Variants in SOX6 observed in about 807,000 individuals in gnomAD.
The protein encoded by SOX6 is transcription factor SOX-6.
A neutral mutation model predicts 97.8 loss-of-function variants in SOX6; 11 were observed. That is an observed-to-expected ratio of 0.11 (90% CI 0.07 to 0.19). The LOEUF is 0.19. Ranked by LOEUF, SOX6 falls within the 10% of genes least tolerant of loss-of-function variation. The pLI is 1.00. For missense variants in SOX6, 810 were observed against 1,039.5 expected, an observed-to-expected ratio of 0.78 and a Z score of 3.04; for synonymous variants, 360 against 371.4, an observed-to-expected ratio of 0.97 and a Z score of 0.35.
At chr11:16,051,069 C>A (rs1049155101) in intron 10 of SOX6, among the ~76,000 whole-genome samples, 1 of 151,878 alleles carries the variant, frequency 6.6e-6, no homozygotes. Flanking sequence ...ACTAGATGAT[C>A]TCTAAGGTCT....
chr11:16,340,020 C>G (rs1397325767), intron 2 of SOX6, among the ~76,000 whole-genome samples: 1 of 152,080 alleles, frequency 6.6e-6, no homozygotes, highest in African/African-American at 2.4e-5. Context: ...TGTTTCAGAG[C>G]ATTGACTGTG....
At chr11:16,712,121 A>ACACACC (rs1491389321) in intron 3 of SOX6, among the ~76,000 whole-genome samples, 3 of 142,412 alleles carry the variant, frequency 2.1e-5, no homozygotes, top group African/African-American at 7.8e-5. Flanking sequence ...ACACACACAC[A>ACACACC]CCACAGTTTC....
chr11:16,130,173 T>G (rs367824427), intron 6 of SOX6, among the ~76,000 whole-genome samples: 1 of 151,720 alleles, frequency 6.6e-6, no homozygotes, highest in Admixed American at 6.6e-5. Flanking sequence ...TAGAAAAAAA[T>G]TATAACTCCA....
chr11:15,987,104 T>G (rs1288367483), intron 14 of SOX6, among the ~76,000 whole-genome samples: 1 of 152,202 alleles, frequency 6.6e-6, no homozygotes, highest in Non-Finnish European at 1.5e-5. Context: ...AAGTATTCAC[T>G]TCTCTAATAT....
chr11:16,363,300 G>A (rs1281903151), intron 1 of SOX6, among the ~76,000 whole-genome samples: 2 of 152,154 alleles, frequency 1.3e-5, no homozygotes, highest in Non-Finnish European at 2.9e-5. Context: ...TAGAGATTGA[G>A]CATTCCCTAA....
intron 9 of SOX6, among the ~76,000 whole-genome samples, chr11:16,075,767 C>T (rs1273325535): frequency 2.0e-5 from 3 of 152,066 alleles, no homozygotes; most frequent in Admixed American, 6.6e-5. Context: ...AACAAACCTG[C>T]ATGTTGTACA....
intron 13 of SOX6, among the ~76,000 whole-genome samples, chr11:16,005,134 C>G (rs1258216796): frequency 2.0e-5 from 3 of 151,894 alleles, no homozygotes; most frequent in Admixed American, 6.6e-5. Context: ...TTTCCTCATA[C>G]CTGGGTGATG....
intron 4 of SOX6, among the ~76,000 whole-genome samples, chr11:16,221,350 G>A (rs1031923212): frequency 1.3e-5 from 2 of 151,986 alleles, no homozygotes; most frequent in African/African-American, 4.8e-5. Context: ...GAATGTCCTT[G>A]ATGAAACCAA....
At position 16,340,425 on chromosome 11, in the gene SOX6, G is replaced by C. The variant is rs79483769; in HGVS notation, c.237+587C>G. Among the ~76,000 whole-genome samples the C allele has an allele frequency of 6.9e-3, 1,057 of 152,188 alleles. 10 individuals carry two copies. Among genetic ancestry groups the C allele is most frequent in the African/African-American group, 0.024 (1,015 of 41,524 alleles). On this transcript the variant is annotated intron_variant, in intron 2 of 15. Transcript: ENST00000683767. ...ACATGGGAAAGCTGGCTAATACACT[G>C]CATGTATTTGATGTGGTTTCTACTT...
intron 1 of SOX6, among the ~76,000 whole-genome samples, chr11:16,418,011 C>T (rs1465611688): frequency 6.6e-6 from 1 of 152,132 alleles, no homozygotes; most frequent in African/African-American, 2.4e-5. Flanking sequence ...TAAAAATGTA[C>T]GTTTCCTCGA....
At chr11:15,986,068 T>C in intron 15 of SOX6, 136 bp downstream of exon 15, 3 of 866,496 alleles carry the variant, frequency 3.5e-6, no homozygotes, top group Non-Finnish European at 5.9e-6. Context: ...CAGCAAAGAT[T>C]CTCATGGCCA....
intron 4 of SOX6, among the ~76,000 whole-genome samples, chr11:16,549,042 A>G (rs1847650587): frequency 6.6e-6 from 1 of 152,204 alleles, no homozygotes; most frequent in Non-Finnish European, 1.5e-5. Flanking sequence ...TTGAAAAGAC[A>G]TTGCTCCAAA....
At chr11:16,353,259 G>A (rs1235354138) in intron 1 of SOX6, among the ~76,000 whole-genome samples, 2 of 151,966 alleles carry the variant, frequency 1.3e-5, no homozygotes, top group Admixed American at 6.6e-5. Context: ...AAAACAAGAT[G>A]AGGAGCTTGA....
At chr11:16,573,397 C>T (rs1338676140) in intron 4 of SOX6, among the ~76,000 whole-genome samples, 2 of 152,102 alleles carry the variant, frequency 1.3e-5, no homozygotes, top group Non-Finnish European at 2.9e-5. Context: ...CTTAAGAAGG[C>T]CTTTGATGTT....
intron 4 of SOX6, among the ~76,000 whole-genome samples, chr11:16,539,835 T>A (rs1346637142): frequency 6.6e-6 from 1 of 152,110 alleles, no homozygotes; most frequent in African/African-American, 2.4e-5. Context: ...GTTAATAGCC[T>A]ACCAACCAAA....
At position 16,467,946 on chromosome 11, in the gene SOX6, C is replaced by T. The variant is rs530252967; in HGVS notation, c.-5+8369G>A. On this transcript the variant is annotated intron_variant, in intron 1 of 15. Transcript: ENST00000396356. ...AAATAATGGCTTTATTTCCCCTTCT[C>T]TACATGCACTTAGTTCCTTTCAATA... 4.6e-5 allele frequency among the ~76,000 whole-genome samples: 7 copies of T among 152,304 alleles called. No homozygotes were observed. In the East Asian group the frequency reaches 9.6e-4, roughly 21 times the overall value.
chr11:16,196,337 A>G (rs1411075654), intron 4 of SOX6, among the ~76,000 whole-genome samples: 1 of 152,192 alleles, frequency 6.6e-6, no homozygotes, highest in East Asian at 1.9e-4. Context: ...TGTCCTCTTA[A>G]CCACTATGAT....
chr11:16,597,618 G>C (rs1848226973), intron 4 of SOX6, among the ~76,000 whole-genome samples: 1 of 151,796 alleles, frequency 6.6e-6, no homozygotes, highest in Non-Finnish European at 1.5e-5. Context: ...TAAAATGAAA[G>C]CAAAACAAAA....
intron 5 of SOX6, among the ~76,000 whole-genome samples, chr11:16,186,410 A>G (rs1851476334): frequency 6.6e-6 from 1 of 152,150 alleles, no homozygotes; most frequent in Non-Finnish European, 1.5e-5. Flanking sequence ...GTTTTTCTGG[A>G]ACAGAACCCC....
Sources: gnomAD v4.1 joint callset for allele counts (sites outside exome capture counted in the v4.1 genomes callset) on GRCh38, gnomAD v4.1.1 for gene constraint, MANE v1.5 for transcripts, NCBI Gene and HGNC (gene_info 2026-07-23, HGNC 2026-07-21) for gene names.